The following WDFY3 variants were observed in gnomAD, a reference collection of about 807,000 sequenced individuals.
WDFY3 encodes WD repeat and FYVE domain-containing protein 3.
A neutral mutation model predicts 409.6 loss-of-function variants in WDFY3; 66 were observed. The ratio of observed to expected loss-of-function variants is 0.16; its 90% CI spans 0.13 to 0.20. The LOEUF is 0.20. Among genes scored for constraint, WDFY3 ranks in the 10% least tolerant of loss-of-function variants. The pLI, the probability that WDFY3 is intolerant of heterozygous loss-of-function variation, is 1.00. For synonymous variants in WDFY3, 1,521 were observed against 1,537.1 expected, an observed-to-expected ratio of 0.99 and a Z score of 0.25; for missense variants, 3,031 against 4,298.1, an observed-to-expected ratio of 0.71 and a Z score of 8.24.
At position 84,670,613 on chromosome 4, in the gene WDFY3, T is replaced by C. The variant is rs960847598; in HGVS notation, c.*2255A>G. On this transcript the variant is annotated 3_prime_UTR_variant, in exon 68 of 68. Transcript: ENST00000295888. ...AGTGTTCATCCCATATAGTTTCCTA[T>C]TACAAAGAGGAATAACCTTTAAGTA... The C allele has an allele frequency of 6.6e-6, 1 of 152,656 alleles. No individual in the cohort carries two copies. The highest frequency in any genetic ancestry group is 2.4e-5 in the African/African-American group (1 of 41,458). The allele number at this position is 152,656 out of a possible 1,614,324, so 9.5% of individuals were successfully genotyped here.
rs143555953 is a variant in WDFY3 at position 84,756,586 on chromosome 4, CAAATAAAATAAAATAAAATAAAATA to C, written c.5424+315_5424+339del. Among the ~76,000 whole-genome samples, 906 of 129,026 alleles carry C rather than the reference CAAATAAAATAAAATAAAATAAAATA, an allele frequency of 7.0e-3. 11 individuals are homozygous for C. Among genetic ancestry groups the C allele is most frequent in the African/African-American group, 0.024 (841 of 35,360 alleles). 84.6% of individuals were successfully genotyped at this position (129,026 alleles called of 152,430 possible). On this transcript the variant is annotated intron_variant, in intron 33 of 67. Coordinates refer to ENST00000295888, the MANE Select transcript of WDFY3 (RefSeq NM_014991.6). ...GGTGACAGAGTAAGACTCTGTCTCA[CAAATAAAATAAAATAAAATAAAATA>C]AAATAAAATAAAATAAAATAAAATA...
chr4:84,878,633 T>G (rs1763091347), intron 3 of WDFY3, among the ~76,000 whole-genome samples: 1 of 152,242 alleles, frequency 6.6e-6, no homozygotes, highest in African/African-American at 2.4e-5. Context: ...TACATAATGA[T>G]GTTGACATGG....
intron 2 of WDFY3, among the ~76,000 whole-genome samples, chr4:84,913,292 T>C (rs1373746899): frequency 2.0e-5 from 3 of 152,070 alleles, no homozygotes; most frequent in Non-Finnish European, 4.4e-5. Context: ...CCATAGAAGA[T>C]GCCATCATTG....
intron 61 of WDFY3, among the ~76,000 whole-genome samples, chr4:84,689,732 A>AG (rs1336134852): frequency 2.0e-5 from 3 of 152,116 alleles, no homozygotes; most frequent in African/African-American, 7.2e-5. Context: ...TGTCTTTTTC[A>AG]GGGGTAAAAT....
intron 2 of WDFY3, among the ~76,000 whole-genome samples, chr4:84,931,447 G>A (rs941244511): frequency 1.3e-5 from 2 of 152,150 alleles, no homozygotes; most frequent in Non-Finnish European, 2.9e-5. Flanking sequence ...GTGGCAAGCA[G>A]GCTTCACCTC....
intron 2 of WDFY3, among the ~76,000 whole-genome samples, chr4:84,917,608 A>G (rs565777412): frequency 6.6e-6 from 1 of 152,272 alleles, no homozygotes; most frequent in East Asian, 1.9e-4. Context: ...AGAGATAACC[A>G]TCTCATTCCT....
At chr4:84,797,147 AAAATG>A (rs1310303332) in intron 18 of WDFY3, among the ~76,000 whole-genome samples, 1 of 152,184 alleles carries the variant, frequency 6.6e-6, no homozygotes, top group South Asian at 2.1e-4. Flanking sequence ...TTAGACCATT[AAAATG>A]AAAAGAAATA....
At chr4:84,850,652 G>C (rs1370567841) in intron 4 of WDFY3, among the ~76,000 whole-genome samples, 1 of 151,958 alleles carries the variant, frequency 6.6e-6, no homozygotes, top group Non-Finnish European at 1.5e-5. Context: ...TGAGAATTTA[G>C]AGAAAAGTTA....
chr4:84,719,612 A>G (rs1378953795), intron 47 of WDFY3, among the ~76,000 whole-genome samples: 1 of 152,218 alleles, frequency 6.6e-6, no homozygotes, highest in East Asian at 1.9e-4. Context: ...ATCAATCCTG[A>G]TGTACTTTAA....
At chr4:84,822,376 C>G (rs1367368555) in intron 10 of WDFY3, among the ~76,000 whole-genome samples, 1 of 151,938 alleles carries the variant, frequency 6.6e-6, no homozygotes, top group Admixed American at 6.6e-5. Flanking sequence ...GAGTATAAAC[C>G]AGAGAACTAC....
chr4:84,749,916 T>C (rs1338151008), intron 36 of WDFY3, among the ~76,000 whole-genome samples: 4 of 152,168 alleles, frequency 2.6e-5, no homozygotes, highest in Admixed American at 6.5e-5. Flanking sequence ...TATATCAAAT[T>C]CTTCCTACTA....
intron 17 of WDFY3, among the ~76,000 whole-genome samples, chr4:84,800,307 A>G (rs1440318823): frequency 6.6e-6 from 1 of 152,226 alleles, no homozygotes; most frequent in Non-Finnish European, 1.5e-5. Flanking sequence ...TACTCTAATA[A>G]TAAGTTATGT....
Position 84,891,083 on chromosome 4 carries a change from C to T in WDFY3, c.-32+5828G>A, listed in dbSNP as rs375345762. 4.6e-5 allele frequency among the ~76,000 whole-genome samples: 7 copies of T among 152,300 alleles called. No homozygotes were observed. In the East Asian group the frequency reaches 1.2e-3, roughly 25 times the overall value. ...CAGGTGATAGGCCAGACTTTGCCCG[C>T]AGGCCATAGTTTGCCACCCTACAAC... is the stretch of plus-strand genomic sequence containing the variant. On this transcript the variant is annotated intron_variant, in intron 3 of 67. Transcript: ENST00000295888.
chr4:84,747,172 C>T (rs1001236230), intron 36 of WDFY3, among the ~76,000 whole-genome samples: 3 of 152,156 alleles, frequency 2.0e-5, no homozygotes, highest in Non-Finnish European at 2.9e-5. Flanking sequence ...CCATCAGTCT[C>T]CTTTTTAAGG....
At chr4:84,901,148 T>C (rs921466355) in intron 2 of WDFY3, among the ~76,000 whole-genome samples, 2 of 152,184 alleles carry the variant, frequency 1.3e-5, no homozygotes, top group Admixed American at 6.5e-5. Flanking sequence ...CTTAATCCCA[T>C]TGATAAGAAA....
intron 2 of WDFY3, among the ~76,000 whole-genome samples, chr4:84,902,905 T>C (rs369071801): frequency 1.3e-4 from 20 of 152,192 alleles, no homozygotes; most frequent in African/African-American, 4.8e-4. Context: ...TGCCAGAATA[T>C]TAGAAGCCTA....
At chr4:84,880,619 AT>A (rs1211913365) in intron 3 of WDFY3, among the ~76,000 whole-genome samples, 1 of 143,298 alleles carries the variant, frequency 7.0e-6, no homozygotes, top group Non-Finnish European at 1.5e-5. Context: ...AGCAACATTG[AT>A]TAAATTGTAA....
chr4:84,678,207 T>C lies in WDFY3; in HGVS notation c.10220A>G (p.Asn3407Ser), dbSNP rs372009554. Residue 3407 changes from asparagine (N) to serine (S), a missense_variant, in exon 66 of 68, where the codon AAT becomes AGT. Physicochemically the swap from Asn to Ser is conservative, Grantham distance 46. Around this residue, in one of 16 missense-constraint regions of WDFY3, gnomAD observed 378 missense variants for 477.3 expected, o/e 0.79. Coordinates refer to ENST00000295888, the MANE Select transcript of WDFY3 (RefSeq NM_014991.6). ...GGCAGTGACCTCAGCTGGGTGTGCA[T>C]TGTCCTTTCGATCAAAGGCTGTGTG... Reference protein sequence around the residue: ...TMHTAFDRKDNAHPAEVTALG... With the variant: ...TMHTAFDRKDSAHPAEVTALG... The C allele has an allele frequency of 7.4e-6, 12 of 1,613,976 alleles. No individual in the cohort carries two copies. The highest frequency in any genetic ancestry group is 4.0e-5 in the African/African-American group (3 of 74,904).
At chr4:84,755,138 A>G in intron 34 of WDFY3, 128 bp downstream of exon 34, 1 of 1,347,912 alleles carries the variant, frequency 7.4e-7, no homozygotes, top group Non-Finnish European at 1.0e-6. Context: ...GTCTAACATA[A>G]GAGTCTGAAG....
Sources: allele counts gnomAD v4.1 joint callset (sites outside exome capture counted in the v4.1 genomes callset), GRCh38; gene constraint gnomAD v4.1.1; regional missense constraint gnomAD v4.1.1; transcripts MANE v1.5; gene names NCBI Gene and HGNC (gene_info 2026-07-23, HGNC 2026-07-21).